The following CTBP2 variants were observed in gnomAD, a reference collection of about 807,000 sequenced individuals.
CTBP2 encodes the protein C-terminal-binding protein 2.
Under a neutral mutation model 80.3 loss-of-function variants are expected in CTBP2, and 30 were observed. The observed-to-expected ratio is 0.37, with a 90% confidence interval of 0.28 to 0.51. The LOEUF (loss-of-function observed/expected upper bound fraction) is 0.51, where lower values mean the gene tolerates loss of function less well. CTBP2 is among the 20% of genes least tolerant of loss of function. The probability of loss-of-function intolerance (pLI) is 0.93; values close to 1 mark genes in which losing one functional copy is unlikely to be tolerated. For synonymous variants in CTBP2, 594 were observed against 587.4 expected (o/e 1.01, Z -0.16); for missense variants, 1,212 against 1,375.3 (o/e 0.88, Z 1.88).
chr10:125,156,361 G>C (rs919475539), intron 1 of CTBP2, among the ~76,000 whole-genome samples: 1 of 152,282 alleles, frequency 6.6e-6, no homozygotes, highest in Admixed American at 6.5e-5. Context: ...GTAAAAAAAT[G>C]ACAACTGGGG....
intron 2 of CTBP2, among the ~76,000 whole-genome samples, chr10:125,078,471 C>T (rs1452612925): frequency 1.3e-5 from 2 of 151,818 alleles, no homozygotes; most frequent in African/African-American, 4.8e-5. Context: ...TCACCTCAAA[C>T]TGCCTGTTCT....
At chr10:125,096,262 C>G (rs1045949412) in intron 2 of CTBP2, among the ~76,000 whole-genome samples, 39 of 152,252 alleles carry the variant, frequency 2.6e-4, no homozygotes, top group South Asian at 2.1e-3. Context: ...TCCTTTTCGT[C>G]TTTTTTTCTG....
chr10:125,161,317 C>G (rs944501610), upstream of CTBP2: 6 of 152,146 alleles, frequency 3.9e-5, 1 homozygote, highest in African/African-American at 1.4e-4. Flanking sequence ...GGGCCGAGGT[C>G]CTGTCGCGGT....
At chr10:125,144,423 G>A (rs1049411335) in intron 1 of CTBP2, among the ~76,000 whole-genome samples, 2 of 152,206 alleles carry the variant, frequency 1.3e-5, no homozygotes, top group East Asian at 1.9e-4. Context: ...CAACAGGGTT[G>A]TTACTAAAAA....
intron 3 of CTBP2, among the ~76,000 whole-genome samples, chr10:125,002,363 G>T (rs1954646232): frequency 6.6e-6 from 1 of 152,238 alleles, no homozygotes; most frequent in South Asian, 2.1e-4. Flanking sequence ...AGTGCATGGG[G>T]CCGATAAGCA....
chr10:125,021,974 C>A (rs753241826), intron 1 of CTBP2, among the ~76,000 whole-genome samples: 35 of 152,220 alleles, frequency 2.3e-4, no homozygotes, highest in Non-Finnish European at 8.8e-5. Context: ...GGCTATGTGG[C>A]TCCACAATGC....
chr10:124,984,759 A>C lies in CTBP2; in HGVS notation c.*4759T>G. The C allele has an allele frequency of 1.2e-6, 2 of 1,610,660 alleles. No individual in the cohort carries two copies. The highest frequency in any genetic ancestry group is 2.2e-5 in the South Asian group (2 of 90,842). ...GTTGTATGATTTTCCCTTTGTCTTC[A>C]TATTCCTCCAAAAGCTAGGTAATGA... On this transcript the variant is annotated 3_prime_UTR_variant, in exon 9 of 9. Transcript: ENST00000309035.
chr10:124,986,750 T>A lies in CTBP2; in HGVS notation c.*2768A>T, dbSNP rs1589862119. The A allele has an allele frequency of 1.3e-5, 2 of 152,312 alleles. No homozygotes were observed. Among genetic ancestry groups the A allele is most frequent in the East Asian group, 3.9e-4 (2 of 5,190 alleles). 9.4% of individuals were successfully genotyped at this position (152,312 alleles called of 1,614,324 possible). On this transcript the variant is annotated 3_prime_UTR_variant, in exon 9 of 9. Transcript: ENST00000309035. ...GCATCTGTAGTAATTTCTCTATGTA[T>A]AGGGATAATTTTTTAGTGGGCAGAG...
intron 1 of CTBP2, among the ~76,000 whole-genome samples, chr10:125,139,364 T>C (rs1360262207): frequency 9.4e-6 from 1 of 106,812 alleles, no homozygotes; most frequent in East Asian, 2.6e-4. Context: ...GTGACAGAGC[T>C]AGACTGTCTC....
chr10:125,021,401 T>C (rs896194898), intron 1 of CTBP2, among the ~76,000 whole-genome samples: 6 of 152,200 alleles, frequency 3.9e-5, no homozygotes, highest in African/African-American at 1.2e-4. Flanking sequence ...AACTACTTTA[T>C]GCTCCTGGGC....
chr10:125,027,390 G>C lies in CTBP2; in HGVS notation c.370C>G (p.Pro124Ala). 5 of 1,613,652 alleles carry C rather than the reference G, an allele frequency of 3.1e-6. No individual in the cohort carries two copies. The South Asian group carries it at 4.4e-5, about 14-fold the overall frequency. The change falls in exon 1 of 9, where the codon CCT (proline) becomes GCT (alanine). Residue 124 changes from proline to alanine, a missense_variant. Physicochemically the swap from Pro to Ala is conservative, Grantham distance 27. This residue lies in a region of CTBP2 where 848 missense variants were observed against 782.3 expected (regional missense o/e 1.08). Transcript: ENST00000309035. ...ACTCCTGGGTCCCGATAGAGGGGAG[G>C]CTCTTTGGGTACCCTAGCAGCTCCA...
At chr10:125,150,600 T>C (rs1204559632) in intron 1 of CTBP2, among the ~76,000 whole-genome samples, 1 of 151,596 alleles carries the variant, frequency 6.6e-6, no homozygotes, top group Non-Finnish European at 1.5e-5. Flanking sequence ...TTACCTAAGC[T>C]CCCTGGCCCT....
chr10:125,098,078 A>G (rs929714120), intron 2 of CTBP2, among the ~76,000 whole-genome samples: 1 of 152,192 alleles, frequency 6.6e-6, no homozygotes, highest in Admixed American at 6.5e-5. Context: ...CCGAGATCGC[A>G]CCACTGCACT....
intron 7 of CTBP2, among the ~76,000 whole-genome samples, 180 bp from the exon 10 acceptor site, chr10:124,992,992 G>A (rs761576519): frequency 2.0e-5 from 3 of 152,156 alleles, no homozygotes; most frequent in Non-Finnish European, 2.9e-5. Flanking sequence ...CCCGACCCCC[G>A]AGTTTATAAT....
At chr10:125,076,732 CAG>C (rs1388497183) in intron 2 of CTBP2, among the ~76,000 whole-genome samples, 1 of 152,218 alleles carries the variant, frequency 6.6e-6, no homozygotes, top group Non-Finnish European at 1.5e-5. Context: ...GAGAGAAAAA[CAG>C]AAACTGAGTT....
chr10:125,010,626 G>C (rs757868670), intron 1 of CTBP2, among the ~76,000 whole-genome samples: 5 of 152,150 alleles, frequency 3.3e-5, no homozygotes, highest in Admixed American at 6.5e-5. Context: ...CCCTGGAGTG[G>C]CATCACACAC....
chr10:125,159,259 A>C (rs1861501477), intron 1 of CTBP2, among the ~76,000 whole-genome samples: 1 of 149,920 alleles, frequency 6.7e-6, no homozygotes, highest in Non-Finnish European at 1.5e-5. Flanking sequence ...CCCTCCTGCT[A>C]AACTTTTTCT....
At chr10:125,083,046 A>T (rs576278681) in intron 2 of CTBP2, among the ~76,000 whole-genome samples, 1 of 152,314 alleles carries the variant, frequency 6.6e-6, no homozygotes, top group South Asian at 2.1e-4. Flanking sequence ...CACAGGGTCC[A>T]TCTCTCTGGG....
chr10:125,135,772 C>T (rs1174986690), intron 1 of CTBP2, among the ~76,000 whole-genome samples: 5 of 152,236 alleles, frequency 3.3e-5, no homozygotes, highest in East Asian at 1.9e-4. Context: ...GGACACTTCT[C>T]GGTGTGTGGC....
Sources: allele counts gnomAD v4.1 joint callset (sites outside exome capture counted in the v4.1 genomes callset), GRCh38; gene constraint gnomAD v4.1.1; regional missense constraint gnomAD v4.1.1; transcripts MANE v1.5; gene names NCBI Gene and HGNC (gene_info 2026-07-23, HGNC 2026-07-21).